The following WASHC2A variants were observed in gnomAD, a reference collection of about 807,000 sequenced individuals.
The protein encoded by WASHC2A is WASH complex subunit FAM21A.
A neutral mutation model predicts 140.3 loss-of-function variants in WASHC2A; 82 were observed. That is an observed-to-expected ratio of 0.58 (90% confidence interval 0.49 to 0.70). WASHC2A has a LOEUF of 0.70. Among genes scored for constraint, WASHC2A ranks in the 30% least tolerant of loss-of-function variants. The probability of loss-of-function intolerance (pLI) is 0.00; values close to 1 mark genes in which losing one functional copy is unlikely to be tolerated. For missense variants in WASHC2A, 985 were observed against 1,521.8 expected (o/e 0.65, Z 5.87); for synonymous variants, 340 against 560.8 (o/e 0.61, Z 5.56).
chr10:50,111,212 A>G (rs1480825940), intron 20 of WASHC2A, among the ~76,000 whole-genome samples: 2 of 143,934 alleles, frequency 1.4e-5, no homozygotes, highest in Non-Finnish European at 3.1e-5. Flanking sequence ...ATTAGCAGAA[A>G]GAAGTAACTG....
At chr10:50,109,374 C>G (rs1842069062) in intron 19 of WASHC2A, among the ~76,000 whole-genome samples, 2 of 152,248 alleles carry the variant, frequency 1.3e-5, no homozygotes, top group South Asian at 4.1e-4. Context: ...TGAGTTTTTA[C>G]ACTTTTTTTT....
In WASHC2A at chr10:50,079,777, T is replaced by C. The variant is rs1488301735; in HGVS notation, c.355-981T>C. 1.8e-3 allele frequency among the ~76,000 whole-genome samples: 276 copies of C among 152,006 alleles called. 1 individual carries two copies. Among genetic ancestry groups the C allele is most frequent in the African/African-American group, 6.4e-3 (266 of 41,424 alleles). On this transcript the variant is annotated intron_variant, in intron 4 of 30. Coordinates refer to ENST00000282633, the MANE Select transcript of WASHC2A (RefSeq NM_001005751.3). ...AGTATCTGGTTATACCAATTCAGGGTTTAATTTGAAGGTGATAGGTATTTA... is the reference window on the plus strand; with the variant it reads ...AGTATCTGGTTATACCAATTCAGGGCTTAATTTGAAGGTGATAGGTATTTA...
chr10:50,129,785 G>C lies in WASHC2A; in HGVS notation c.3454G>C (p.Ala1152Pro). 6.2e-7 allele frequency: 1 copy of C among 1,612,012 alleles called. No individual in the cohort carries two copies. ...GTCTGTGGAGAGAACAAAACCCAAG[G>C]CAAAGATAGCAGAGAATCCTGCCAA... ...SQSVERTKPK[A>P]KIAENPANPP... is the part of the protein sequence containing the mutation. Residue 1152 changes from alanine (A) to proline (P), a missense_variant, in exon 29 of 31, where the codon GCA (alanine) becomes CCA (proline). By Grantham distance (27) the Ala-to-Pro change is conservative. Transcript: ENST00000282633.
At chr10:50,113,511 CG>C (rs1199230432) in intron 20 of WASHC2A, among the ~76,000 whole-genome samples, 44 of 152,134 alleles carry the variant, frequency 2.9e-4, no homozygotes, top group African/African-American at 1.0e-3. Flanking sequence ...TCTTGGCAAC[CG>C]TCTTCATGAC....
intron 30 of WASHC2A, among the ~76,000 whole-genome samples, chr10:50,131,682 C>A (rs1384547699): frequency 1.1e-3 from 171 of 152,294 alleles, no homozygotes; most frequent in African/African-American, 3.9e-3. Context: ...TGGGCTGAGG[C>A]CACATACACA....
chr10:50,068,211 T>C lies in WASHC2A; in HGVS notation c.110T>C (p.Leu37Pro). Residue 37 changes from leucine to proline, a missense_variant, in exon 2 of 31, where the codon CTG (leucine) becomes CCG (proline). Leu to Pro is a moderately conservative substitution (Grantham distance 98, BLOSUM62 -3). Transcript: ENST00000282633. ...CGCAGGAGCAGCCAGAGCTGGTCGCTGGCGGCCGACGCGGGCGTGAGAGGC... is the reference window on the plus strand; with the variant it reads ...CGCAGGAGCAGCCAGAGCTGGTCGCCGGCGGCCGACGCGGGCGTGAGAGGC... ...EIRRSSQSWS[L>P]AADAGLLQFL... 1 of 1,585,140 alleles carries C rather than the reference T, an allele frequency of 6.3e-7. No individual in the cohort carries two copies. Among genetic ancestry groups the C allele is most frequent in the South Asian group, 1.1e-5 (1 of 89,028 alleles).
intron 7 of WASHC2A, 105 bp from the exon 8 acceptor site, chr10:50,087,170 C>G: frequency 6.7e-7 from 1 of 1,485,878 alleles, no homozygotes; most frequent in Non-Finnish European, 9.4e-7. Flanking sequence ...AGCTTTTTCT[C>G]CACTTGACAT....
At chr10:50,090,305 C>T (rs1275068209) in intron 8 of WASHC2A, among the ~76,000 whole-genome samples, 37 of 148,892 alleles carry the variant, frequency 2.5e-4, no homozygotes, top group African/African-American at 8.3e-4. Context: ...AGTTCAAGAC[C>T]AGCCTAGACA....
Position 50,118,108 on chromosome 10 carries a change from G to C in WASHC2A, c.2295+50G>C, listed in dbSNP as rs112385865. ...TGAATGCATTTGTCTCTCGTATGTTGTTTCAAACACACACAACCCCTTAAG... is the reference window on the plus strand; with the variant it reads ...TGAATGCATTTGTCTCTCGTATGTTCTTTCAAACACACACAACCCCTTAAG... On this transcript the variant is annotated intron_variant, in intron 22 of 30. Coordinates refer to ENST00000282633, the MANE Select transcript of WASHC2A (RefSeq NM_001005751.3). The C allele has an allele frequency of 2.6e-4, 404 of 1,551,058 alleles. 9 individuals are homozygous for C. The Middle Eastern group carries it at 3.1e-3, about 12-fold the overall frequency.
intron 26 of WASHC2A, among the ~76,000 whole-genome samples, chr10:50,126,796 A>G (rs1843476571): frequency 6.6e-6 from 1 of 151,780 alleles, no homozygotes; most frequent in Non-Finnish European, 1.5e-5. Context: ...GAGCCAGTGC[A>G]TTAGGCTATG....
chr10:50,098,990 A>C (rs1282503458), intron 16 of WASHC2A, among the ~76,000 whole-genome samples: 2 of 151,992 alleles, frequency 1.3e-5, no homozygotes, highest in Non-Finnish European at 2.9e-5. Flanking sequence ...TGCCATTGCT[A>C]AGTTGATCTC....
At position 50,129,472 on chromosome 10, in the gene WASHC2A, G is replaced by T; in HGVS notation, c.3141G>T (p.Arg1047=). Residue 1047 remains arginine, a synonymous_variant, in exon 29 of 31, where the codon CGG becomes CGT. Transcript: ENST00000282633. The part of the protein sequence containing the change: ...KRRPQTRAAR[R]LAAQESSETE... ...GACCGCAGACCCGTGCAGCTAGGCGGCTGGCTGCTCAGGAGTCCAGCGAGA... is the reference window on the plus strand; with the variant it reads ...GACCGCAGACCCGTGCAGCTAGGCGTCTGGCTGCTCAGGAGTCCAGCGAGA... 5.0e-6 allele frequency: 8 copies of T among 1,612,062 alleles called. No homozygotes were observed. Among genetic ancestry groups the T allele is most frequent in the South Asian group, 1.1e-5 (1 of 90,994 alleles).
At position 50,081,777 on chromosome 10, in the gene WASHC2A, C is replaced by T. The variant is rs1167816851; in HGVS notation, c.528+846C>T. Reference sequence around the variant, plus strand: ...CCTCCCGAGTAGCTGGGATTACAGGCGCCCACCACCACACCCAGCTAATTT... The same window carrying T: ...CCTCCCGAGTAGCTGGGATTACAGGTGCCCACCACCACACCCAGCTAATTT... On this transcript the variant is annotated intron_variant, in intron 5 of 30. Coordinates refer to ENST00000282633, the MANE Select transcript of WASHC2A (RefSeq NM_001005751.3). 3.3e-5 allele frequency among the ~76,000 whole-genome samples: 5 copies of T among 151,784 alleles called. No individual in the cohort carries two copies. In the South Asian group the frequency reaches 8.3e-4, roughly 25 times the overall value.
At chr10:50,088,879 C>T (rs1225865416) in intron 8 of WASHC2A, among the ~76,000 whole-genome samples, 4 of 117,722 alleles carry the variant, frequency 3.4e-5, no homozygotes, top group East Asian at 4.4e-4. Context: ...ATAATTTTAA[C>T]GATCAGTCTT....
intron 11 of WASHC2A, 130 bp downstream of exon 11, chr10:50,092,363 T>A: frequency 6.6e-7 from 1 of 1,513,524 alleles, no homozygotes. Context: ...CATTTACTTT[T>A]CTAAAGCCTC....
chr10:50,068,185 C>T lies in WASHC2A; in HGVS notation c.84C>T (p.Ile28=). The stretch of plus-strand genomic sequence containing the variant: ...AGCGGCCGTGGTCGGTGGAGGAGAT[C>T]CGCAGGAGCAGCCAGAGCTGGTCGC... ...VWERPWSVEE[I]RRSSQSWSLA... Residue 28 remains isoleucine, a synonymous_variant, in exon 2 of 31, where the codon ATC becomes ATT. Coordinates refer to ENST00000282633, the MANE Select transcript of WASHC2A (RefSeq NM_001005751.3). 6.3e-7 allele frequency: 1 copy of T among 1,597,986 alleles called. No individual in the cohort carries two copies. Among genetic ancestry groups the T allele is most frequent in the Non-Finnish European group, 8.5e-7 (1 of 1,172,940 alleles).
intron 3 of WASHC2A, among the ~76,000 whole-genome samples, chr10:50,077,458 C>T (rs1375566984): frequency 6.6e-6 from 1 of 152,102 alleles, no homozygotes; most frequent in Admixed American, 6.6e-5. Context: ...TTTTAAAATA[C>T]ATCTCTTTTA....
chr10:50,118,311 G>A (rs1395117861), intron 22 of WASHC2A, among the ~76,000 whole-genome samples: 2 of 58,926 alleles, frequency 3.4e-5, no homozygotes, highest in African/African-American at 1.1e-4. Flanking sequence ...GTCACGTCAT[G>A]GCATCTTTGC....
chr10:50,082,246 A>G (rs1838967062), intron 5 of WASHC2A, among the ~76,000 whole-genome samples: 1 of 149,596 alleles, frequency 6.7e-6, no homozygotes, highest in Non-Finnish European at 1.5e-5. Flanking sequence ...GTCCAAATTA[A>G]CGCTGTCTTT....
Sources: gnomAD v4.1 joint callset for allele counts (sites outside exome capture counted in the v4.1 genomes callset) on GRCh38, gnomAD v4.1.1 for gene constraint, MANE v1.5 for transcripts, NCBI Gene and HGNC (gene_info 2026-07-23, HGNC 2026-07-21) for gene names.